ARB2A: variants seen among roughly 807,000 people sequenced by gnomAD.
ARB2A encodes the protein ARB2 cotranscriptional regulator A.
the ARB2A span, among the ~76,000 whole-genome samples, chr5:93,762,935 C>A: frequency 4.6e-5 from 7 of 152,196 alleles, no homozygotes; most frequent in East Asian, 3.8e-4. Flanking sequence ...CCCAGAATTT[C>A]ATATCCAGCC....
At chr5:93,737,024 A>T in the ARB2A span, 80 of 152,356 alleles carry the variant, frequency 5.3e-4, no homozygotes, top group African/African-American at 1.9e-3. Context: ...TTATTCACAG[A>T]TGATATGATT....
the ARB2A span, among the ~76,000 whole-genome samples, chr5:94,078,805 T>C: frequency 2.0e-5 from 3 of 152,022 alleles, no homozygotes; most frequent in African/African-American, 7.2e-5. Context: ...AGTAGCTAAG[T>C]GACCTTGAGA....
At chr5:93,672,497 A>G in the ARB2A span, among the ~76,000 whole-genome samples, 1 of 151,882 alleles carries the variant, frequency 6.6e-6, no homozygotes, top group African/African-American at 2.4e-5. Flanking sequence ...TTTAGTAGAG[A>G]CGGGGTTTCA....
the ARB2A span, among the ~76,000 whole-genome samples, chr5:93,996,301 C>A: frequency 4.6e-5 from 7 of 151,956 alleles, no homozygotes; most frequent in Non-Finnish European, 1.0e-4. Flanking sequence ...AAATAAATAA[C>A]TGTTTCTCCA....
At chr5:93,856,854 T>C in the ARB2A span, among the ~76,000 whole-genome samples, 2,870 of 152,128 alleles carry the variant, frequency 0.019, 29 homozygotes, top group Non-Finnish European at 0.028. Flanking sequence ...GGAGGAGAGG[T>C]GCTCTGCTTT....
At chr5:93,729,306 G>C in the ARB2A span, among the ~76,000 whole-genome samples, 1 of 152,072 alleles carries the variant, frequency 6.6e-6, no homozygotes, top group Non-Finnish European at 1.5e-5. Context: ...CCTCTCTCAA[G>C]CTTATGTGCT....
the ARB2A span, among the ~76,000 whole-genome samples, chr5:93,890,743 T>C: frequency 6.6e-6 from 1 of 152,024 alleles, no homozygotes; most frequent in South Asian, 2.1e-4. Context: ...TCATACAGGC[T>C]CTACTAGAAA....
At chr5:94,054,654 CG>C in the ARB2A span, among the ~76,000 whole-genome samples, 1 of 152,028 alleles carries the variant, frequency 6.6e-6, no homozygotes, top group Non-Finnish European at 1.5e-5. Flanking sequence ...TCTATTCTTT[CG>C]AGGTGACTAT....
chr5:93,941,240 C>G, the ARB2A span, among the ~76,000 whole-genome samples: 1 of 152,054 alleles, frequency 6.6e-6, no homozygotes, highest in Non-Finnish European at 1.5e-5. Flanking sequence ...CAATGTTACA[C>G]ACTCTCTCAC....
chr5:93,797,819 G>T, the ARB2A span, among the ~76,000 whole-genome samples: 2 of 152,116 alleles, frequency 1.3e-5, no homozygotes, highest in African/African-American at 2.4e-5. Flanking sequence ...GAACAAGAGA[G>T]GTGTTTTCAG....
chr5:93,973,793 A>G, the ARB2A span, among the ~76,000 whole-genome samples: 2 of 152,214 alleles, frequency 1.3e-5, no homozygotes, highest in Non-Finnish European at 1.5e-5. Context: ...TTCTGCCAAG[A>G]ATTTCATATC....
At chr5:93,632,647 G>T in the ARB2A span, among the ~76,000 whole-genome samples, 1 of 152,140 alleles carries the variant, frequency 6.6e-6, no homozygotes, top group African/African-American at 2.4e-5. Context: ...GAGTGAGAAG[G>T]ATGAATTTAA....
At chr5:93,816,199 C>T in the ARB2A span, among the ~76,000 whole-genome samples, 1 of 152,068 alleles carries the variant, frequency 6.6e-6, no homozygotes, top group South Asian at 2.1e-4. Context: ...GTGCACTGTG[C>T]CTGGGAATTT....
chr5:94,022,839 C>A, the ARB2A span, among the ~76,000 whole-genome samples: 1 of 152,166 alleles, frequency 6.6e-6, no homozygotes, highest in Non-Finnish European at 1.5e-5. Flanking sequence ...GGCTTGTAGG[C>A]CTTCACAAGT....
chr5:93,775,799 A>AT, the ARB2A span, among the ~76,000 whole-genome samples: 1 of 152,204 alleles, frequency 6.6e-6, no homozygotes, highest in Non-Finnish European at 1.5e-5. Flanking sequence ...ACTGCCTGTC[A>AT]TATCATTGAG....
chr5:93,659,075 T>C, the ARB2A span, among the ~76,000 whole-genome samples: 1 of 152,078 alleles, frequency 6.6e-6, no homozygotes, highest in Non-Finnish European at 1.5e-5. Flanking sequence ...TTCACTGTTG[T>C]ATAAAACAGT....
At chr5:93,812,152 A>G in the ARB2A span, among the ~76,000 whole-genome samples, 1 of 152,140 alleles carries the variant, frequency 6.6e-6, no homozygotes, top group African/African-American at 2.4e-5. Flanking sequence ...CATATTTAAT[A>G]TGTAGACATA....
the ARB2A span, among the ~76,000 whole-genome samples, chr5:94,110,266 G>A: frequency 2.6e-5 from 4 of 152,268 alleles, no homozygotes; most frequent in African/African-American, 9.6e-5. Flanking sequence ...GTAAGTTCCA[G>A]GAGCAAAAGG....
the ARB2A span, chr5:93,739,183 T>C: frequency 1.3e-5 from 2 of 152,060 alleles, no homozygotes; most frequent in Admixed American, 6.6e-5. Context: ...AAGTCTCTTA[T>C]TGGGCTCCTG....
Sources: allele counts gnomAD v4.1 joint callset (sites outside exome capture counted in the v4.1 genomes callset), GRCh38; gene constraint gnomAD v4.1.1; transcripts MANE v1.5; gene names NCBI Gene and HGNC (gene_info 2026-07-23, HGNC 2026-07-21).